PDE1A: variants seen among roughly 807,000 people sequenced by gnomAD.
PDE1A encodes dual specificity calcium/calmodulin-dependent 3',5'-cyclic nucleotide phosphodiesterase 1A.
Under a neutral mutation model 61.7 loss-of-function variants are expected in PDE1A, and 35 were observed. That is an observed-to-expected ratio of 0.57 (90% CI 0.43 to 0.75). PDE1A has a LOEUF of 0.75. Ranked by LOEUF, PDE1A falls within the 30% of genes least tolerant of loss-of-function variation. PDE1A has a pLI of 0.00. For missense variants in PDE1A, 597 were observed against 630.6 expected, an observed-to-expected ratio of 0.95 and a Z score of 0.57; for synonymous variants, 232 against 213.2, an observed-to-expected ratio of 1.09 and a Z score of -0.77.
At chr2:182,629,322 G>A in the PDE1A span, among the ~76,000 whole-genome samples, 3 of 152,082 alleles carry the variant, frequency 2.0e-5, no homozygotes, top group Non-Finnish European at 2.9e-5. Context: ...TTAAACTTCC[G>A]AATTTGTGTT....
chr2:182,703,779 T>G, the PDE1A span, among the ~76,000 whole-genome samples: 1 of 152,080 alleles, frequency 6.6e-6, no homozygotes, highest in Non-Finnish European at 1.5e-5. Flanking sequence ...GGATTAAAAA[T>G]AAAATACATA....
chr2:182,566,383 ATAAT>A, the PDE1A span, among the ~76,000 whole-genome samples: 1 of 152,094 alleles, frequency 6.6e-6, no homozygotes, highest in Non-Finnish European at 1.5e-5. Context: ...ATATTTCGAA[ATAAT>A]TAACAATGAA....
chr2:182,148,580 A>T (rs546143453), intron 13 of PDE1A, among the ~76,000 whole-genome samples: 1 of 152,264 alleles, frequency 6.6e-6, no homozygotes, highest in African/African-American at 2.4e-5. Context: ...TTGCTGGTAC[A>T]TTTCCAGCTT....
intron 1 of PDE1A, among the ~76,000 whole-genome samples, chr2:182,379,058 G>A (rs1375355031): frequency 1.3e-5 from 2 of 152,070 alleles, no homozygotes; most frequent in Non-Finnish European, 2.9e-5. Flanking sequence ...ATTATGTTAA[G>A]CAATTGAAAA....
At chr2:182,356,053 A>C (rs1699158243) in intron 1 of PDE1A, among the ~76,000 whole-genome samples, 1 of 152,236 alleles carries the variant, frequency 6.6e-6, no homozygotes, top group Non-Finnish European at 1.5e-5. Flanking sequence ...GATTGTAACA[A>C]GAGCTTTTGA....
chr2:182,358,700 G>C (rs535234021), intron 1 of PDE1A, among the ~76,000 whole-genome samples: 2 of 152,230 alleles, frequency 1.3e-5, no homozygotes, highest in African/African-American at 4.8e-5. Flanking sequence ...CTAAGCGACA[G>C]GCAGGATCCT....
intron 1 of PDE1A, among the ~76,000 whole-genome samples, chr2:182,362,097 T>C (rs939459030): frequency 3.3e-5 from 5 of 152,084 alleles, no homozygotes; most frequent in Non-Finnish European, 5.9e-5. Context: ...TTGAGATTAG[T>C]GGCAGAATTT....
intron 2 of PDE1A, among the ~76,000 whole-genome samples, chr2:182,475,893 G>A (rs1221729172): frequency 6.6e-6 from 1 of 151,878 alleles, no homozygotes; most frequent in African/African-American, 2.4e-5. Context: ...AGATAACATA[G>A]TTTTTAACAT....
At chr2:182,557,152 G>A in the PDE1A span, among the ~76,000 whole-genome samples, 6 of 151,910 alleles carry the variant, frequency 3.9e-5, no homozygotes, top group African/African-American at 7.3e-5. Flanking sequence ...AAAATTAGCC[G>A]GGAGAATCAC....
chr2:182,509,005 C>T (rs912434861), intron 2 of PDE1A, among the ~76,000 whole-genome samples: 20 of 149,514 alleles, frequency 1.3e-4, no homozygotes, highest in Admixed American at 2.0e-4. Context: ...ATTCCCCTTC[C>T]TGTGTCCATG....
At chr2:182,341,710 T>G (rs747790878) in intron 1 of PDE1A, among the ~76,000 whole-genome samples, 4 of 152,208 alleles carry the variant, frequency 2.6e-5, no homozygotes, top group Non-Finnish European at 5.9e-5. Flanking sequence ...CTTTATTGTG[T>G]TCACATGTGA....
At chr2:182,408,882 G>C (rs1049065506) in intron 1 of PDE1A, among the ~76,000 whole-genome samples, 25 of 152,306 alleles carry the variant, frequency 1.6e-4, no homozygotes, top group African/African-American at 5.8e-4. Flanking sequence ...TGGGGGATCA[G>C]CTAGAAGCCA....
chr2:182,204,436 C>T (rs1271750894), intron 8 of PDE1A, among the ~76,000 whole-genome samples: 1 of 152,132 alleles, frequency 6.6e-6, no homozygotes, highest in Non-Finnish European at 1.5e-5. Context: ...CACTCGTACA[C>T]ATATTTTTTC....
At chr2:182,379,557 A>G (rs1270003645) in intron 1 of PDE1A, among the ~76,000 whole-genome samples, 1 of 152,240 alleles carries the variant, frequency 6.6e-6, no homozygotes, top group Non-Finnish European at 1.5e-5. Flanking sequence ...AAACAGGAAT[A>G]AAGCAGTACT....
chr2:182,556,113 T>A, the PDE1A span, among the ~76,000 whole-genome samples: 3 of 149,462 alleles, frequency 2.0e-5, no homozygotes, highest in African/African-American at 7.4e-5. Context: ...CAATCAACAA[T>A]AAAAATGAAG....
At chr2:182,411,850 G>A (rs1396786091) in intron 1 of PDE1A, among the ~76,000 whole-genome samples, 1 of 151,956 alleles carries the variant, frequency 6.6e-6, no homozygotes, top group Non-Finnish European at 1.5e-5. Context: ...CACAGGTCAG[G>A]AGTTCAAGAC....
At chr2:182,471,965 A>G (rs928117428) in intron 2 of PDE1A, among the ~76,000 whole-genome samples, 3 of 151,880 alleles carry the variant, frequency 2.0e-5, no homozygotes, top group Non-Finnish European at 4.4e-5. Context: ...AAAATGTTCA[A>G]CATCACTAAT....
At chr2:182,716,501 G>T in the PDE1A span, 1 of 152,588 alleles carries the variant, frequency 6.6e-6, no homozygotes, top group Non-Finnish European at 1.5e-5. Context: ...TGGGCCCGGG[G>T]CTAGGGCTTT....
chr2:182,336,976 T>TAAAAAAC (rs10679939), intron 1 of PDE1A, among the ~76,000 whole-genome samples: 1 of 148,596 alleles, frequency 6.7e-6, no homozygotes, highest in Non-Finnish European at 1.5e-5. Flanking sequence ...TTTTTTTTTT[T>TAAAAAAC]AAATAAAGAA....
Sources: allele counts gnomAD v4.1 joint callset (sites outside exome capture counted in the v4.1 genomes callset), GRCh38; gene constraint gnomAD v4.1.1; transcripts MANE v1.5; gene names NCBI Gene and HGNC (gene_info 2026-07-23, HGNC 2026-07-21).